Variants in CENPC observed in about 807,000 individuals in gnomAD.
CENPC encodes the protein CENP-C 1.
Under a neutral mutation model 112.1 loss-of-function variants are expected in CENPC, and 63 were observed. The observed-to-expected ratio is 0.56, with a 90% CI of 0.46 to 0.69. The LOEUF is 0.69. CENPC is among the 30% of genes least tolerant of loss of function. The probability of loss-of-function intolerance (pLI) is 0.00; values close to 1 mark genes in which losing one functional copy is unlikely to be tolerated. For missense variants in CENPC, 1,000 were observed against 1,103.8 expected (o/e 0.91, Z 1.33); for synonymous variants, 333 against 367.6 (o/e 0.91, Z 1.08).
At chr4:67,485,469 A>AC (rs60430771) in intron 17 of CENPC, among the ~76,000 whole-genome samples, 93,948 of 151,604 alleles carry the variant, frequency 0.62, 29,342 homozygotes, top group East Asian at 0.81. Flanking sequence ...TGGAATCTTA[A>AC]CCCCCCCAAT....
chr4:67,531,897 G>A (rs927455168), intron 4 of CENPC, among the ~76,000 whole-genome samples: 2 of 152,144 alleles, frequency 1.3e-5, no homozygotes, highest in Admixed American at 1.3e-4. Context: ...TGACAAATGG[G>A]ATCTAATTAA....
rs1724636643 is a variant in CENPC, at chr4:67,470,686, C to A, written c.*1919G>T. The A allele has an allele frequency of 6.6e-6, 1 of 151,992 alleles. No individual in the cohort carries two copies. Among genetic ancestry groups the A allele is most frequent in the African/African-American group, 2.4e-5 (1 of 41,382 alleles). 9.4% of individuals were successfully genotyped at this position (151,992 alleles called of 1,614,324 possible). A position where few individuals can be genotyped will look rare whatever the true frequency, so the allele number is the denominator to read the frequency against. On this transcript the variant is annotated 3_prime_UTR_variant, in exon 19 of 19. Coordinates refer to ENST00000273853, the MANE Select transcript of CENPC (RefSeq NM_001812.4). ...CCTCCTTGAGTGAGGTCTCACCCAC[C>A]CCTAGGTTGATTGGTAAAAACTACA...
intron 7 of CENPC, 42 bp downstream of exon 7, chr4:67,518,114 T>C (rs969960860): frequency 1.1e-5 from 12 of 1,115,198 alleles, no homozygotes; most frequent in Non-Finnish European, 1.5e-5. Flanking sequence ...TCATAGAATA[T>C]AAAAGAAAAA....
intron 5 of CENPC, among the ~76,000 whole-genome samples, chr4:67,527,279 T>A (rs2646295): frequency 0.91 from 138,294 of 152,138 alleles, 63,082 homozygotes; most frequent in South Asian, 0.95. Flanking sequence ...ATATCAACAG[T>A]TCAGAGAAGA....
intron 5 of CENPC, among the ~76,000 whole-genome samples, chr4:67,528,424 T>C (rs948258904): frequency 2.6e-5 from 4 of 152,128 alleles, no homozygotes; most frequent in Non-Finnish European, 5.9e-5. Context: ...TTTCTAGAAC[T>C]TTTTCATCAT....
chr4:67,543,888 T>C (rs1239056956), intron 2 of CENPC, among the ~76,000 whole-genome samples: 2 of 152,208 alleles, frequency 1.3e-5, no homozygotes, highest in African/African-American at 2.4e-5. Flanking sequence ...CAAAATGCTT[T>C]TCCCATGGCA....
intron 2 of CENPC, among the ~76,000 whole-genome samples, chr4:67,543,412 C>T (rs1726942381): frequency 6.6e-6 from 1 of 152,130 alleles, no homozygotes; most frequent in African/African-American, 2.4e-5. Flanking sequence ...ATATCAACAA[C>T]ACACAAATCC....
chr4:67,518,854 C>A (rs941362471), intron 6 of CENPC, among the ~76,000 whole-genome samples: 1 of 152,196 alleles, frequency 6.6e-6, no homozygotes, highest in African/African-American at 2.4e-5. Flanking sequence ...CAAAGCATAG[C>A]ATCCTCAATA....
chr4:67,525,601 C>A (rs771964907), intron 5 of CENPC, among the ~76,000 whole-genome samples: 1 of 152,042 alleles, frequency 6.6e-6, no homozygotes, highest in African/African-American at 2.4e-5. Context: ...TAGAGGAATG[C>A]AAATCAAAAC....
Position 67,489,668 on chromosome 4 carries a change from T to TC in CENPC, c.2670+298dup, listed in dbSNP as rs1328672473. 5.3e-5 allele frequency among the ~76,000 whole-genome samples: 8 copies of TC among 151,892 alleles called. No homozygotes were observed. In the South Asian group the frequency reaches 1.2e-3, roughly 24 times the overall value. ...GTGGAATTAGATTTAATCTCTATAA[T>TC]CCCCCCCAGCACTAAAATTCTAATG... On this transcript the variant is annotated intron_variant, in intron 17 of 18. Coordinates refer to ENST00000273853, the MANE Select transcript of CENPC (RefSeq NM_001812.4).
At chr4:67,534,702 T>C (rs1434878040) in intron 4 of CENPC, among the ~76,000 whole-genome samples, 1 of 152,170 alleles carries the variant, frequency 6.6e-6, no homozygotes, top group Non-Finnish European at 1.5e-5. Flanking sequence ...TCTACAGATA[T>C]TAACACCAGG....
intron 8 of CENPC, among the ~76,000 whole-genome samples, chr4:67,513,014 A>G (rs1167035116): frequency 6.6e-6 from 1 of 152,160 alleles, no homozygotes; most frequent in East Asian, 1.9e-4. Flanking sequence ...GACCCAATCT[A>G]ATTATGTTTC....
intron 11 of CENPC, among the ~76,000 whole-genome samples, chr4:67,505,936 TA>T (rs764471367): frequency 6.6e-6 from 1 of 151,158 alleles, no homozygotes; most frequent in Non-Finnish European, 1.5e-5. Context: ...ATATTTTAAT[TA>T]AAAAAAAATA....
At chr4:67,538,811 C>T (rs1025791638) in intron 4 of CENPC, among the ~76,000 whole-genome samples, 14 of 152,152 alleles carry the variant, frequency 9.2e-5, no homozygotes, top group African/African-American at 2.7e-4. Flanking sequence ...CCATAAGTAA[C>T]GGGACACAGT....
intron 10 of CENPC, among the ~76,000 whole-genome samples, chr4:67,507,560 T>C (rs62301095): frequency 0.19 from 28,978 of 152,066 alleles, 3,486 homozygotes; most frequent in Non-Finnish European, 0.27. Flanking sequence ...ATTATCAAAA[T>C]TGATTCAAGA....
chr4:67,476,769 A>G (rs1399113612), intron 17 of CENPC, among the ~76,000 whole-genome samples: 2 of 152,228 alleles, frequency 1.3e-5, no homozygotes, highest in African/African-American at 4.8e-5. Flanking sequence ...GGAGACTTAT[A>G]GCCTAGCGCA....
At chr4:67,526,638 G>T (rs1726388584) in intron 5 of CENPC, among the ~76,000 whole-genome samples, 1 of 151,486 alleles carries the variant, frequency 6.6e-6, no homozygotes, top group Non-Finnish European at 1.5e-5. Context: ...TTAGAAAAGG[G>T]AATAATTCCC....
chr4:67,473,497 T>C (rs1435472792), intron 18 of CENPC, among the ~76,000 whole-genome samples: 1 of 152,160 alleles, frequency 6.6e-6, no homozygotes, highest in Non-Finnish European at 1.5e-5. Flanking sequence ...TTTTTGCCTG[T>C]TTTTTCATTT....
intron 13 of CENPC, 29 bp from the exon 14 acceptor site, chr4:67,494,017 T>A: frequency 6.8e-7 from 1 of 1,470,166 alleles, no homozygotes; most frequent in Non-Finnish European, 9.4e-7. Flanking sequence ...CAAAAGTGTA[T>A]ACATAGTTTT....
Sources: gnomAD v4.1 joint callset for allele counts (sites outside exome capture counted in the v4.1 genomes callset) on GRCh38, gnomAD v4.1.1 for gene constraint, MANE v1.5 for transcripts, NCBI Gene and HGNC (gene_info 2026-07-23, HGNC 2026-07-21) for gene names.